The following ZBTB7C variants were observed in gnomAD, a reference collection of about 807,000 sequenced individuals.
ZBTB7C encodes the protein zinc finger and BTB domain containing 7C, also known as zinc finger and BTB domain-containing protein 7C.
A neutral mutation model predicts 25.7 loss-of-function variants in ZBTB7C; 8 were observed. The observed-to-expected ratio is 0.31, with a 90% CI of 0.18 to 0.56. ZBTB7C has a LOEUF of 0.56. ZBTB7C is among the 20% of genes least tolerant of loss of function. The pLI, the probability that ZBTB7C is intolerant of heterozygous loss-of-function variation, is 0.91. For synonymous variants in ZBTB7C, 394 were observed against 369.0 expected (o/e 1.07, Z -0.78); for missense variants, 824 against 855.2 (o/e 0.96, Z 0.46).
At chr18:48,158,969 T>TGTA (rs1356904718) in intron 3 of ZBTB7C, among the ~76,000 whole-genome samples, 8 of 152,046 alleles carry the variant, frequency 5.3e-5, no homozygotes, top group Non-Finnish European at 1.2e-4. Flanking sequence ...GGGTAGGGGC[T>TGTA]GGGGAGATAC....
chr18:48,129,902 G>A (rs1035541666), intron 3 of ZBTB7C, among the ~76,000 whole-genome samples: 5 of 152,084 alleles, frequency 3.3e-5, no homozygotes, highest in South Asian at 2.1e-4. Flanking sequence ...TCAGATCTCC[G>A]AATAAACCGG....
intron 2 of ZBTB7C, among the ~76,000 whole-genome samples, chr18:48,227,252 G>C (rs2043127635): frequency 1.3e-5 from 2 of 152,186 alleles, no homozygotes; most frequent in African/African-American, 4.8e-5. Flanking sequence ...AGATGCCACT[G>C]TGTCCACCAG....
chr18:48,046,390 C>T (rs1430459817), intron 3 of ZBTB7C, among the ~76,000 whole-genome samples: 1 of 152,200 alleles, frequency 6.6e-6, no homozygotes, highest in Non-Finnish European at 1.5e-5. Flanking sequence ...TAGCAGGGTC[C>T]TGACCCTCAA....
At chr18:48,167,782 A>G (rs1242359543) in intron 3 of ZBTB7C, among the ~76,000 whole-genome samples, 2 of 152,232 alleles carry the variant, frequency 1.3e-5, no homozygotes, top group Admixed American at 1.3e-4. Flanking sequence ...ACAGGGTTTC[A>G]AGGTTTCTTT....
intron 2 of ZBTB7C, among the ~76,000 whole-genome samples, chr18:48,207,953 T>C (rs950062359): frequency 6.6e-6 from 1 of 151,208 alleles, no homozygotes; most frequent in African/African-American, 2.4e-5. Context: ...CATGGCATGA[T>C]TACAAGAGTG....
At chr18:48,381,526 A>T (rs2047633171) in intron 1 of ZBTB7C, among the ~76,000 whole-genome samples, 1 of 152,236 alleles carries the variant, frequency 6.6e-6, no homozygotes. Context: ...AATCACAGAG[A>T]TACTGGATGG....
chr18:48,338,919 G>C (rs1038752672), intron 1 of ZBTB7C, among the ~76,000 whole-genome samples: 6 of 151,872 alleles, frequency 4.0e-5, no homozygotes, highest in Non-Finnish European at 7.4e-5. Context: ...GTTGGGGGGG[G>C]GGGGTCCAGG....
intron 1 of ZBTB7C, among the ~76,000 whole-genome samples, chr18:48,385,584 T>C (rs1399634791): frequency 6.6e-6 from 1 of 152,240 alleles, no homozygotes; most frequent in Non-Finnish European, 1.5e-5. Context: ...TGGGCAAACA[T>C]GCCCTGCACA....
In ZBTB7C at chr18:48,082,172, T is replaced by A. The variant is rs537128983; in HGVS notation, c.-16-41049A>T. 5.9e-5 allele frequency among the ~76,000 whole-genome samples: 9 copies of A among 152,266 alleles called. No individual in the cohort carries two copies. In the South Asian group the frequency reaches 1.9e-3, roughly 32 times the overall value. On this transcript the variant is annotated intron_variant, in intron 3 of 4. Transcript: ENST00000590800. ...AAAACAGTCCCCATAAAGCATTTGT[T>A]TTTCACAAAATTATACACTGTCCCC...
At chr18:48,036,582 G>A (rs115809481) in intron 4 of ZBTB7C, among the ~76,000 whole-genome samples, 191 of 152,286 alleles carry the variant, frequency 1.3e-3, no homozygotes, top group African/African-American at 4.3e-3. Flanking sequence ...GGAAAGACTC[G>A]GGTTCCAGAA....
chr18:48,232,616 G>A (rs566719997), intron 2 of ZBTB7C, among the ~76,000 whole-genome samples: 14 of 151,950 alleles, frequency 9.2e-5, no homozygotes, highest in African/African-American at 3.4e-4. Flanking sequence ...AAAATGGATT[G>A]TTATTTTAAC....
intron 3 of ZBTB7C, among the ~76,000 whole-genome samples, chr18:48,052,870 CT>C (rs1165138081): frequency 2.0e-5 from 3 of 152,120 alleles, no homozygotes; most frequent in African/African-American, 7.2e-5. Context: ...AGGATAGATC[CT>C]TGGATTCTGA....
intron 3 of ZBTB7C, among the ~76,000 whole-genome samples, chr18:48,077,426 G>A (rs55861534): frequency 0.16 from 23,887 of 152,196 alleles, 2,455 homozygotes; most frequent in South Asian, 0.23. Context: ...CCCAAACTCC[G>A]TCATTGAGAA....
In ZBTB7C at chr18:48,110,546, C is replaced by G. The variant is rs561025668; in HGVS notation, c.-16-69423G>C. 3.3e-5 allele frequency among the ~76,000 whole-genome samples: 5 copies of G among 152,330 alleles called. No individual in the cohort carries two copies. The South Asian group carries it at 1.0e-3, about 32-fold the overall frequency. ...TCGCTGTCAGGCTCGTTGTTGGCGT[C>G]AAATTATTAATTATGATTCTTAATC... On this transcript the variant is annotated intron_variant, in intron 3 of 4. Transcript: ENST00000590800.
chr18:48,163,207 T>G (rs2041125637), intron 3 of ZBTB7C, among the ~76,000 whole-genome samples: 3 of 152,134 alleles, frequency 2.0e-5, no homozygotes, highest in African/African-American at 7.2e-5. Context: ...AGTTGGAAAA[T>G]GAGCCCTGAG....
At chr18:48,223,721 TC>T (rs1347051715) in intron 2 of ZBTB7C, among the ~76,000 whole-genome samples, 1 of 152,126 alleles carries the variant, frequency 6.6e-6, no homozygotes, top group Non-Finnish European at 1.5e-5. Context: ...TCACTTAACG[TC>T]CTTTAACCTG....
intron 3 of ZBTB7C, among the ~76,000 whole-genome samples, chr18:48,070,520 G>A (rs2037503365): frequency 6.6e-6 from 1 of 152,194 alleles, no homozygotes; most frequent in African/African-American, 2.4e-5. Flanking sequence ...CACAAAGCTG[G>A]GAAGAGCTTG....
At chr18:48,052,564 A>C (rs7243521) in intron 3 of ZBTB7C, among the ~76,000 whole-genome samples, 34,499 of 152,030 alleles carry the variant, frequency 0.23, 4,234 homozygotes, top group East Asian at 0.33. Flanking sequence ...ACTTTACACC[A>C]GGCAGAAAGG....
At chr18:48,095,408 T>G (rs8083271) in intron 3 of ZBTB7C, among the ~76,000 whole-genome samples, 1 of 152,112 alleles carries the variant, frequency 6.6e-6, no homozygotes, top group Non-Finnish European at 1.5e-5. Flanking sequence ...GGGATGTCAA[T>G]AAATGATTAT....
Sources: allele counts gnomAD v4.1 joint callset (sites outside exome capture counted in the v4.1 genomes callset), GRCh38; gene constraint gnomAD v4.1.1; transcripts MANE v1.5; gene names NCBI Gene and HGNC (gene_info 2026-07-23, HGNC 2026-07-21).